Variants in STK32A observed in about 807,000 individuals in gnomAD.
The protein encoded by STK32A is serine/threonine kinase 32A, also known as serine/threonine-protein kinase 32A.
A neutral mutation model predicts 53.2 loss-of-function variants in STK32A; 41 were observed. That is an observed-to-expected ratio of 0.77 (90% CI 0.60 to 1.00). STK32A has a LOEUF of 1.00. Among genes scored for constraint, STK32A ranks in the 50% least tolerant of loss-of-function variants. The pLI is 0.00. For synonymous variants in STK32A, 166 were observed against 162.8 expected (o/e 1.02, Z -0.15); for missense variants, 458 against 485.8 (o/e 0.94, Z 0.54).
At chr5:147,391,964 CAG>C (rs1374853837), downstream of STK32A, 2 of 152,240 alleles carry the variant, frequency 1.3e-5, no homozygotes, top group Non-Finnish European at 2.9e-5. Flanking sequence ...GAGTCAGACT[CAG>C]GGGCTGAGTA....
In STK32A at chr5:147,386,992, G is replaced by A. The variant is rs531271136; in HGVS notation, c.*3009G>A. 3 of 152,340 alleles carry A rather than the reference G, an allele frequency of 2.0e-5. No individual in the cohort carries two copies. The highest frequency in any genetic ancestry group is 7.2e-5 in the African/African-American group (3 of 41,588). 9.4% of individuals were successfully genotyped at this position (152,340 alleles called of 1,614,324 possible). On this transcript the variant is annotated 3_prime_UTR_variant, in exon 13 of 13. Coordinates refer to ENST00000397936, the MANE Select transcript of STK32A (RefSeq NM_001112724.2). ...CCGGAGTTGTGACAACCGAGGCTCA[G>A]AGCTGTGATTTTTAGAAAACAAGAT... is the stretch of plus-strand genomic sequence containing the variant.
chr5:147,283,453 A>C (rs565662798), intron 4 of STK32A, among the ~76,000 whole-genome samples: 1 of 143,780 alleles, frequency 7.0e-6, no homozygotes. Flanking sequence ...TCAAAGCAGA[A>C]CTAAATGAAA....
At chr5:147,320,254 G>A (rs1168281417) in intron 4 of STK32A, among the ~76,000 whole-genome samples, 2 of 152,144 alleles carry the variant, frequency 1.3e-5, no homozygotes, top group African/African-American at 4.8e-5. Flanking sequence ...GATGGCCCCT[G>A]TAAGACAGCT....
At chr5:147,301,506 A>T (rs1057164118) in intron 4 of STK32A, among the ~76,000 whole-genome samples, 2 of 152,156 alleles carry the variant, frequency 1.3e-5, no homozygotes, top group Non-Finnish European at 2.9e-5. Flanking sequence ...ACTGCACCTA[A>T]ACTTGAACCT....
At chr5:147,395,744 C>A in the STK32A span, 75 of 1,612,138 alleles carry the variant, frequency 4.7e-5, no homozygotes, top group African/African-American at 8.9e-4. Flanking sequence ...AAGAGCATGT[C>A]ACCATTCATT....
chr5:147,249,499 TG>T (rs543097273), intron 2 of STK32A, among the ~76,000 whole-genome samples: 7 of 152,224 alleles, frequency 4.6e-5, no homozygotes, highest in Admixed American at 3.9e-4. Context: ...CCTAGTTTTC[TG>T]GGGGGTGGGA....
intron 11 of STK32A, among the ~76,000 whole-genome samples, chr5:147,381,493 A>C (rs961234160): frequency 6.6e-6 from 1 of 152,080 alleles, no homozygotes; most frequent in Non-Finnish European, 1.5e-5. Flanking sequence ...AAATTCAAAA[A>C]TTAGCTAAGT....
intron 7 of STK32A, among the ~76,000 whole-genome samples, chr5:147,354,811 A>G (rs913697307): frequency 6.6e-6 from 1 of 152,220 alleles, no homozygotes; most frequent in Non-Finnish European, 1.5e-5. Context: ...AGAAATAAAA[A>G]TATATATTTG....
chr5:147,383,936 C>T lies in STK32A; in HGVS notation c.1144C>T (p.Gln382Ter). 3 of 1,608,514 alleles carry T rather than the reference C, an allele frequency of 1.9e-6. No homozygotes were observed. The highest frequency in any genetic ancestry group is 2.5e-6 in the Non-Finnish European group (3 of 1,178,308). Residue 382 changes from glutamine to a stop codon, truncating the protein, a stop_gained, in exon 13 of 13, where the codon CAA becomes TAA. Transcript: ENST00000397936. LOFTEE classifies it high-confidence loss of function. ...AAGACAACCAAATCTAGCCTTGGAACAAACCAAAGACCCACAAGGTGAGGA... is the reference window on the plus strand; with the variant it reads ...AAGACAACCAAATCTAGCCTTGGAATAAACCAAAGACCCACAAGGTGAGGA... ...NKRQPNLALEQTKDPQGEDGQ... is the reference protein window; with the variant it reads ...NKRQPNLALE
chr5:147,338,594 G>A (rs754680324), intron 5 of STK32A, among the ~76,000 whole-genome samples: 8 of 152,330 alleles, frequency 5.3e-5, no homozygotes, highest in African/African-American at 1.9e-4. Flanking sequence ...ATGTGGGAAA[G>A]TGTGGAACTT....
chr5:147,263,559 T>A (rs1251945229), intron 2 of STK32A, among the ~76,000 whole-genome samples: 2 of 151,848 alleles, frequency 1.3e-5, no homozygotes, highest in African/African-American at 4.8e-5. Context: ...ACAAAATAGA[T>A]ACCAAGAAAA....
chr5:147,390,441 C>G (rs552431582), downstream of STK32A, among the ~76,000 whole-genome samples: 1 of 141,802 alleles, frequency 7.1e-6, no homozygotes, highest in African/African-American at 2.8e-5. Context: ...GAAAATGCTT[C>G]CAAAACAATC....
intron 4 of STK32A, among the ~76,000 whole-genome samples, chr5:147,308,727 GTTT>G (rs35290735): frequency 2.8e-5 from 4 of 144,294 alleles, no homozygotes; most frequent in Admixed American, 6.9e-5. Context: ...GTCACTAGAA[GTTT>G]TTTTTTTTTT....
chr5:147,286,084 C>T (rs1449682798), intron 4 of STK32A, among the ~76,000 whole-genome samples: 7 of 152,096 alleles, frequency 4.6e-5, no homozygotes, highest in Admixed American at 4.6e-4. Context: ...TGATGGAATA[C>T]TATGCAGCCA....
At chr5:147,392,738 C>G (rs1757850056), downstream of STK32A, 1 of 152,184 alleles carries the variant, frequency 6.6e-6, no homozygotes, top group Non-Finnish European at 1.5e-5. Flanking sequence ...GTCACTTCCA[C>G]TCACTTGGGG....
At chr5:147,371,517 T>C (rs1757004188) in intron 9 of STK32A, among the ~76,000 whole-genome samples, 1 of 152,174 alleles carries the variant, frequency 6.6e-6, no homozygotes, top group East Asian at 1.9e-4. Context: ...TACCTATTCC[T>C]GGAACAGTGC....
At chr5:147,368,957 A>G (rs1756889939) in intron 8 of STK32A, among the ~76,000 whole-genome samples, 1 of 152,210 alleles carries the variant, frequency 6.6e-6, no homozygotes, top group Non-Finnish European at 1.5e-5. Context: ...ATGTGCATAC[A>G]CATATAAGCC....
At chr5:147,334,946 A>G (rs1286865860) in intron 5 of STK32A, among the ~76,000 whole-genome samples, 2 of 152,208 alleles carry the variant, frequency 1.3e-5, no homozygotes, top group Non-Finnish European at 2.9e-5. Flanking sequence ...CCAAACCCAT[A>G]TATACTATGT....
At chr5:147,372,985 G>T (rs968825508) in intron 9 of STK32A, among the ~76,000 whole-genome samples, 184 bp from the exon 10 acceptor site, 1 of 152,096 alleles carries the variant, frequency 6.6e-6, no homozygotes, top group Admixed American at 6.6e-5. Flanking sequence ...TCATCACATT[G>T]CAGAATCCTA....
Sources: allele counts gnomAD v4.1 joint callset (sites outside exome capture counted in the v4.1 genomes callset), GRCh38; gene constraint gnomAD v4.1.1; transcripts MANE v1.5; gene names NCBI Gene and HGNC (gene_info 2026-07-23, HGNC 2026-07-21).